The following HPS3 variants were observed in gnomAD, a reference collection of about 807,000 sequenced individuals.
The protein encoded by HPS3 is BLOC-2 complex member HPS3.
Under a neutral mutation model 110.9 loss-of-function variants are expected in HPS3, and 79 were observed. The ratio of observed to expected loss-of-function variants is 0.71; its 90% CI spans 0.59 to 0.86. HPS3 has a LOEUF of 0.86. Among genes scored for constraint, HPS3 ranks in the 40% least tolerant of loss-of-function variants. The pLI is 0.00. For synonymous variants in HPS3, 428 were observed against 451.0 expected, an observed-to-expected ratio of 0.95 and a Z score of 0.65; for missense variants, 1,197 against 1,206.2, an observed-to-expected ratio of 0.99 and a Z score of 0.11.
Position 149,157,452 on chromosome 3 carries a change from C to A in HPS3, c.1612C>A (p.Gln538Lys). The A allele has an allele frequency of 3.1e-6, 5 of 1,613,864 alleles. No homozygotes were observed. The highest frequency in any genetic ancestry group is 4.2e-6 in the Non-Finnish European group (5 of 1,179,872). ...LVRAALMDAS[Q>K]LEPGEKAELL... is the part of the protein sequence containing the mutation. ...GCGAGCTGCCCTGATGGATGCCAGT[C>A]AGCTGGAACCTGGAGAGAAGGCAGA... The change falls in exon 9 of 17, where the codon CAG (glutamine) becomes AAG (lysine). Residue 538 changes from glutamine (Q) to lysine (K), a missense_variant. Gln to Lys is a moderately conservative substitution (Grantham distance 53, BLOSUM62 1). Coordinates refer to ENST00000296051, the MANE Select transcript of HPS3 (RefSeq NM_032383.5).
chr3:149,134,544 C>T (rs1177399708), intron 1 of HPS3, among the ~76,000 whole-genome samples: 1 of 152,198 alleles, frequency 6.6e-6, no homozygotes, highest in Non-Finnish European at 1.5e-5. Flanking sequence ...TGGCCACTAC[C>T]TATGCATACG....
At chr3:149,144,429 G>C (rs1416740531) in intron 4 of HPS3, among the ~76,000 whole-genome samples, 2 of 152,186 alleles carry the variant, frequency 1.3e-5, no homozygotes, top group Admixed American at 6.5e-5. Flanking sequence ...CAGATATCCA[G>C]TAAGTGTTCA....
Position 149,141,200 on chromosome 3 carries a change from C to CTTTTTT in HPS3, c.884+20_884+25dup, listed in dbSNP as rs10693502. On this transcript the variant is annotated intron_variant, in intron 3 of 16. Transcript: ENST00000296051. ...CACCTGCTCTATAGGTATTATAGTG[C>CTTTTTT]TTTTTTTTTTTTTACCAGCATTTTA... 16,030 of 1,518,904 alleles carry CTTTTTT rather than the reference C, an allele frequency of 0.011. 48 individuals are homozygous for CTTTTTT. The highest frequency in any genetic ancestry group is 0.012 in the Non-Finnish European group (13,803 of 1,110,992). 94.1% of individuals were successfully genotyped at this position (1,518,904 alleles called of 1,614,324 possible). A position where few individuals can be genotyped will look rare whatever the true frequency, so the allele number is the denominator to read the frequency against.
Position 149,162,799 on chromosome 3 carries a change from A to C in HPS3, c.2402A>C (p.Lys801Thr), listed in dbSNP as rs1325262911. 5 of 1,614,040 alleles carry C rather than the reference A, an allele frequency of 3.1e-6. No homozygotes were observed. The highest frequency in any genetic ancestry group is 4.2e-6 in the Non-Finnish European group (5 of 1,179,966). Residue 801 changes from lysine (K) to threonine (T), a missense_variant, in exon 13 of 17, where the codon AAA (lysine) becomes ACA (threonine). Lys to Thr is a moderately conservative substitution (Grantham distance 78). Transcript: ENST00000296051. ...PDVVLQELFFKLTSQYIWRLS... is the reference protein window; with the variant it reads ...PDVVLQELFFTLTSQYIWRLS... ...GTGGTACTTCAGGAACTCTTTTTCA[A>C]ACTCACATCACAGTACATCTGGAGA...
intron 10 of HPS3, among the ~76,000 whole-genome samples, 189 bp from the exon 11 acceptor site, chr3:149,159,857 C>A (rs1723678367): frequency 6.6e-6 from 1 of 152,156 alleles, no homozygotes; most frequent in African/African-American, 2.4e-5. Flanking sequence ...AAGATCACTT[C>A]AGGTTATCTC....
intron 1 of HPS3, among the ~76,000 whole-genome samples, chr3:149,131,250 A>G (rs918924984): frequency 1.3e-5 from 2 of 152,156 alleles, no homozygotes; most frequent in East Asian, 3.8e-4. Flanking sequence ...TTTGTCAAGT[A>G]AAGACATATA....
At position 149,145,349 on chromosome 3, in the gene HPS3, T is replaced by C; in HGVS notation, c.971-5T>C. ...GTGTTTTATTTCTTTCATTTTTGCA[T>C]GCAGGTTCTCTTACATCTGATGGAA... is the stretch of plus-strand genomic sequence containing the variant. On this transcript the variant is annotated splice_polypyrimidine_tract_variant and splice_region_variant and intron_variant, in intron 4 of 16. Transcript: ENST00000296051. The C allele has an allele frequency of 1.2e-6, 2 of 1,606,644 alleles. No individual in the cohort carries two copies. The highest frequency in any genetic ancestry group is 1.7e-6 in the Non-Finnish European group (2 of 1,173,680).
intron 1 of HPS3, among the ~76,000 whole-genome samples, chr3:149,139,182 A>G (rs1388840563): frequency 6.6e-6 from 1 of 152,250 alleles, no homozygotes; most frequent in African/African-American, 2.4e-5. Context: ...TGGGATGTTG[A>G]ACATATTGAA....
chr3:149,150,621 G>A lies in HPS3; in HGVS notation c.1186G>A (p.Val396Met), dbSNP rs768263139. 1.9e-6 allele frequency: 3 copies of A among 1,613,954 alleles called. No individual in the cohort carries two copies. Among genetic ancestry groups the A allele is most frequent in the African/African-American group, 2.7e-5 (2 of 74,904 alleles). Residue 396 changes from valine to methionine, a missense_variant, in exon 6 of 17, where the codon GTG (valine) becomes ATG (methionine). Coordinates refer to ENST00000296051, the MANE Select transcript of HPS3 (RefSeq NM_032383.5). ...CAGTAACAACCTGCAGTGTTTCACT[G>A]TGCGGTGCAGTGCGGCGGCAGCTCG... Reference protein sequence around the residue: ...ITSNNLQCFTVRCSAAAAREE... With the variant: ...ITSNNLQCFTMRCSAAAAREE...
intron 9 of HPS3, among the ~76,000 whole-genome samples, chr3:149,158,086 G>A (rs1291649852): frequency 1.3e-5 from 2 of 152,188 alleles, no homozygotes; most frequent in Non-Finnish European, 2.9e-5. Flanking sequence ...CAGTTGGACA[G>A]TCTGTGATTT....
Position 149,172,143 on chromosome 3 carries a change from A to T in HPS3, c.2936A>T (p.Asn979Ile), listed in dbSNP as rs781373708. 2 of 1,612,796 alleles carry T rather than the reference A, an allele frequency of 1.2e-6. No homozygotes were observed. The highest frequency in any genetic ancestry group is 2.2e-5 in the South Asian group (2 of 91,034). ...AVELELKDFM[N>I]VLPEDGTATF... The stretch of plus-strand genomic sequence containing the variant: ...GAACTAGAACTGAAGGATTTCATGA[A>T]TGTTCTCCCAGAAGATGGTACTGCA... Residue 979 changes from asparagine to isoleucine, a missense_variant, in exon 17 of 17, where the codon AAT becomes ATT. Physicochemically the swap from Asn to Ile is moderately radical, Grantham distance 149 (BLOSUM62 -3). Coordinates refer to ENST00000296051, the MANE Select transcript of HPS3 (RefSeq NM_032383.5).
intron 1 of HPS3, among the ~76,000 whole-genome samples, chr3:149,139,530 T>C (rs1325248491): frequency 6.6e-6 from 1 of 152,242 alleles, no homozygotes; most frequent in Non-Finnish European, 1.5e-5. Context: ...TTAACTTGGA[T>C]CTGTATTTTC....
chr3:149,133,424 A>G (rs535657950), intron 1 of HPS3, among the ~76,000 whole-genome samples: 1 of 152,044 alleles, frequency 6.6e-6, no homozygotes, highest in South Asian at 2.1e-4. Flanking sequence ...TCAGCCTCCC[A>G]AGTAGCTGGG....
intron 8 of HPS3, among the ~76,000 whole-genome samples, chr3:149,157,068 T>C (rs1310140603): frequency 6.6e-6 from 1 of 152,222 alleles, no homozygotes; most frequent in Non-Finnish European, 1.5e-5. Context: ...AAGTTTACAG[T>C]ATTATTAGTA....
At position 149,153,578 on chromosome 3, in the gene HPS3, C is replaced by A. The variant is rs138303522; in HGVS notation, c.1330C>A (p.His444Asn). 199 of 1,614,034 alleles carry A rather than the reference C, an allele frequency of 1.2e-4. No individual in the cohort carries two copies. Among genetic ancestry groups the A allele is most frequent in the Admixed American group, 2.0e-4 (12 of 60,016 alleles). ...GAAAGCCATCTGTCACTTTAAAAAC[C>A]ACATCATACTTTTGACTAAAGCAGA... ...GLKAICHFKN[H>N]IILLTKAEPE... The change falls in exon 7 of 17, where the codon CAC becomes AAC. Residue 444 changes from histidine to asparagine, a missense_variant. His to Asn is a moderately conservative substitution (Grantham distance 68). Coordinates refer to ENST00000296051, the MANE Select transcript of HPS3 (RefSeq NM_032383.5).
chr3:149,162,523 ATC>A lies in HPS3; in HGVS notation c.2293-165_2293-164del, dbSNP rs761718331. The A allele has an allele frequency of 2.0e-5, 19 of 936,866 alleles. No homozygotes were observed. In the East Asian group the frequency reaches 4.7e-4, roughly 23 times the overall value. The allele number at this position is 936,866 out of a possible 1,614,324, so 58.0% of individuals were successfully genotyped here. On this transcript the variant is annotated intron_variant, in intron 12 of 16. Coordinates refer to ENST00000296051, the MANE Select transcript of HPS3 (RefSeq NM_032383.5). ...AGAAACTTTATTTGTACATCCTAGA[ATC>A]TGTTTCCTTTTAAAAATGTCTAAAT...
Position 149,160,162 on chromosome 3 carries a change from A to C in HPS3, c.1989A>C (p.Leu663=). 6.2e-7 allele frequency: 1 copy of C among 1,613,858 alleles called. No homozygotes were observed. The highest frequency in any genetic ancestry group is 1.3e-5 in the African/African-American group (1 of 75,032). ...ATCCTTTAACTGCCATGAGCTATCTAAGGAAGCTGGATACTTCTGGGTTTT... is the reference window on the plus strand; with the variant it reads ...ATCCTTTAACTGCCATGAGCTATCTCAGGAAGCTGGATACTTCTGGGTTTT... ...NINPLTAMSY[L]RKLDTSGFSS... is the part of the protein sequence containing the mutation. Residue 663 remains leucine (L), a synonymous_variant, in exon 11 of 17, where the codon CTA becomes CTC. Coordinates refer to ENST00000296051, the MANE Select transcript of HPS3 (RefSeq NM_032383.5).
Position 149,140,185 on chromosome 3 carries a change from G to C in HPS3, c.399G>C (p.Ser133=). Residue 133 remains serine (S), a synonymous_variant, in exon 2 of 17, where the codon TCG becomes TCC. Transcript: ENST00000296051. ...TGTACATTATTGAAATGCCGCTTTC[G>C]GAGGCCCCCTTGTGCATTTCCTGTT... is the stretch of plus-strand genomic sequence containing the variant. ...DQMYIIEMPL[S]EAPLCISCCP... is the part of the protein sequence containing the mutation. 1 of 1,614,104 alleles carries C rather than the reference G, an allele frequency of 6.2e-7. No homozygotes were observed. The highest frequency in any genetic ancestry group is 1.1e-5 in the South Asian group (1 of 91,074).
intron 11 of HPS3, 74 bp from the exon 12 acceptor site, chr3:149,162,074 A>G (rs1349040388): frequency 4.2e-6 from 5 of 1,193,204 alleles, no homozygotes; most frequent in Non-Finnish European, 6.2e-6. Context: ...ATGCACTAGC[A>G]TGTTTAGTAT....
Sources: allele counts gnomAD v4.1 joint callset (sites outside exome capture counted in the v4.1 genomes callset), GRCh38; gene constraint gnomAD v4.1.1; transcripts MANE v1.5; gene names NCBI Gene and HGNC (gene_info 2026-07-23, HGNC 2026-07-21).